The following SLC8A1 variants were observed in gnomAD, a reference collection of about 807,000 sequenced individuals.
SLC8A1 encodes the protein sodium/calcium exchanger 1.
A neutral mutation model predicts 68.3 loss-of-function variants in SLC8A1; 18 were observed. That is an observed-to-expected ratio of 0.26 (90% confidence interval 0.18 to 0.39). SLC8A1 has a LOEUF of 0.39. SLC8A1 is among the 10% of genes least tolerant of loss of function. SLC8A1 has a pLI of 1.00. For synonymous variants in SLC8A1, 475 were observed against 415.5 expected (o/e 1.14, Z -1.74); for missense variants, 985 against 1,156.7 (o/e 0.85, Z 2.15).
chr2:40,493,341 G>A (rs1473925778), intron 1 of SLC8A1, among the ~76,000 whole-genome samples: 5 of 120,526 alleles, frequency 4.1e-5, no homozygotes, highest in African/African-American at 6.2e-5. Context: ...TCTGGGGACT[G>A]TTGTGGGGTG....
chr2:40,258,277 G>T (rs1010078465), intron 2 of SLC8A1, among the ~76,000 whole-genome samples: 3 of 152,172 alleles, frequency 2.0e-5, no homozygotes, highest in African/African-American at 7.2e-5. Flanking sequence ...ATGTCTCTGG[G>T]ATGGGTTCTA....
intron 1 of SLC8A1, among the ~76,000 whole-genome samples, chr2:40,492,990 A>G (rs1375918386): frequency 6.6e-6 from 1 of 152,204 alleles, no homozygotes; most frequent in Non-Finnish European, 1.5e-5. Flanking sequence ...CCATCCCATT[A>G]CTGGGTATAT....
intron 1 of SLC8A1, among the ~76,000 whole-genome samples, chr2:40,441,737 C>A (rs529832270): frequency 6.6e-6 from 1 of 152,098 alleles, no homozygotes; most frequent in South Asian, 2.1e-4. Flanking sequence ...AAACTGGACC[C>A]CTTCCCTACA....
At chr2:40,439,395 A>C (rs1700067183) in intron 1 of SLC8A1, among the ~76,000 whole-genome samples, 1 of 152,092 alleles carries the variant, frequency 6.6e-6, no homozygotes, top group South Asian at 2.1e-4. Flanking sequence ...GGTGGTAAGG[A>C]AAGCTGTGCT....
At chr2:40,393,933 G>A (rs898364188) in intron 2 of SLC8A1, among the ~76,000 whole-genome samples, 1 of 152,028 alleles carries the variant, frequency 6.6e-6, no homozygotes, top group African/African-American at 2.4e-5. Flanking sequence ...CACAAGCCCT[G>A]AGAACACAGC....
chr2:40,199,218 A>C (rs2053666087), intron 2 of SLC8A1, among the ~76,000 whole-genome samples: 1 of 151,828 alleles, frequency 6.6e-6, no homozygotes, highest in South Asian at 2.1e-4. Context: ...CAGAGGAATT[A>C]AATAATAAAA....
chr2:40,421,320 G>A (rs564165736), intron 2 of SLC8A1, among the ~76,000 whole-genome samples: 1 of 152,044 alleles, frequency 6.6e-6, no homozygotes, highest in Admixed American at 6.5e-5. Context: ...CTGGCTGAAA[G>A]GCACAAAGCT....
intron 2 of SLC8A1, among the ~76,000 whole-genome samples, chr2:40,349,562 G>T (rs905132558): frequency 2.0e-5 from 3 of 152,268 alleles, no homozygotes; most frequent in Non-Finnish European, 4.4e-5. Flanking sequence ...CTGTGAAATG[G>T]GGTTAATAAG....
intron 2 of SLC8A1, among the ~76,000 whole-genome samples, chr2:40,283,148 A>G (rs2067767823): frequency 6.6e-6 from 1 of 152,208 alleles, no homozygotes; most frequent in Non-Finnish European, 1.5e-5. Flanking sequence ...ACTCTGTTAA[A>G]ATAAAATAAA....
chr2:40,385,771 C>G (rs1455747310), intron 2 of SLC8A1, among the ~76,000 whole-genome samples: 1 of 151,162 alleles, frequency 6.6e-6, no homozygotes, highest in Non-Finnish European at 1.5e-5. Flanking sequence ...TATTTTAAAA[C>G]AGAAGCTTGG....
intron 2 of SLC8A1, among the ~76,000 whole-genome samples, chr2:40,324,838 AT>A (rs1431716617): frequency 6.6e-6 from 1 of 152,172 alleles, no homozygotes; most frequent in Non-Finnish European, 1.5e-5. Context: ...ATGTTTTGCT[AT>A]TAAAGCACAC....
At chr2:40,360,863 T>A (rs1478680518) in intron 2 of SLC8A1, among the ~76,000 whole-genome samples, 1 of 152,142 alleles carries the variant, frequency 6.6e-6, no homozygotes, top group African/African-American at 2.4e-5. Flanking sequence ...CACAGTGTTG[T>A]GGTTTATCAG....
chr2:40,294,547 T>C (rs1007499763), intron 2 of SLC8A1, among the ~76,000 whole-genome samples: 1 of 151,978 alleles, frequency 6.6e-6, no homozygotes, highest in African/African-American at 2.4e-5. Context: ...CATATATATA[T>C]ATGGGGAGAG....
rs535740022 is a variant in SLC8A1 at position 40,417,205 on chromosome 2, G to T, written c.1808+11268C>A. Among the ~76,000 whole-genome samples, 41 of 152,036 alleles carry T rather than the reference G, an allele frequency of 2.7e-4. No individual in the cohort carries two copies. The South Asian group carries it at 3.3e-3, about 12-fold the overall frequency. On this transcript the variant is annotated intron_variant, in intron 2 of 7. Transcript: ENST00000406785. ...TTTTAGGTTTGGGGTACATATGCAGGTTTGTTATATAGGTAAACTGCATGT... is the reference window on the plus strand; with the variant it reads ...TTTTAGGTTTGGGGTACATATGCAGTTTTGTTATATAGGTAAACTGCATGT...
intron 2 of SLC8A1, among the ~76,000 whole-genome samples, chr2:40,378,112 C>G (rs529920752): frequency 6.6e-6 from 1 of 152,054 alleles, no homozygotes; most frequent in East Asian, 1.9e-4. Context: ...AGATAAAAAT[C>G]TATGCCTTTA....
intron 2 of SLC8A1, among the ~76,000 whole-genome samples, chr2:40,400,372 C>T (rs1225398233): frequency 6.6e-6 from 1 of 151,960 alleles, no homozygotes; most frequent in Non-Finnish European, 1.5e-5. Context: ...GAAGACTCAC[C>T]CAGGAAAGAA....
At chr2:40,344,806 A>G (rs1668749950) in intron 2 of SLC8A1, among the ~76,000 whole-genome samples, 1 of 152,158 alleles carries the variant, frequency 6.6e-6, no homozygotes, top group South Asian at 2.1e-4. Context: ...CTGAATTCCC[A>G]GACTAATCTT....
At chr2:40,408,758 G>A (rs775132607) in intron 2 of SLC8A1, among the ~76,000 whole-genome samples, 1 of 152,106 alleles carries the variant, frequency 6.6e-6, no homozygotes, top group Non-Finnish European at 1.5e-5. Flanking sequence ...TAAAACTCAC[G>A]AGTATGGTCA....
Position 40,223,447 on chromosome 2 carries a change from A to G in SLC8A1, c.1809-45592T>C, listed in dbSNP as rs527825817. Among the ~76,000 whole-genome samples the G allele has an allele frequency of 4.6e-5, 7 of 152,258 alleles. No individual in the cohort carries two copies. In the South Asian group the frequency reaches 1.2e-3, roughly 27 times the overall value. ...GGGTTGATGGGTACAGCAAACCGTC[A>G]TGGCACGTGTATTCCTATGTAATGA... is the stretch of plus-strand genomic sequence containing the variant. On this transcript the variant is annotated intron_variant, in intron 2 of 7. Transcript: ENST00000406785.
Sources: allele counts gnomAD v4.1 joint callset (sites outside exome capture counted in the v4.1 genomes callset), GRCh38; gene constraint gnomAD v4.1.1; transcripts MANE v1.5; gene names NCBI Gene and HGNC (gene_info 2026-07-23, HGNC 2026-07-21).